The following GRIN2B variants were observed in gnomAD, a reference collection of about 807,000 sequenced individuals.
The protein encoded by GRIN2B is glutamate ionotropic receptor NMDA type subunit 2B.
A neutral mutation model predicts 114.5 loss-of-function variants in GRIN2B; 5 were observed. The ratio of observed to expected loss-of-function variants is 0.04; its 90% CI spans 0.02 to 0.09. The LOEUF (loss-of-function observed/expected upper bound fraction) is 0.09. Ranked by LOEUF, GRIN2B falls within the 10% of genes least tolerant of loss-of-function variation. The probability of loss-of-function intolerance (pLI) is 1.00; values close to 1 mark genes in which losing one functional copy is unlikely to be tolerated. For synonymous variants in GRIN2B, 787 were observed against 745.1 expected, an observed-to-expected ratio of 1.06 and a Z score of -0.92; for missense variants, 1,108 against 1,943.5, an observed-to-expected ratio of 0.57 and a Z score of 8.08.
At chr12:13,605,063 C>G (rs1039734205) in intron 10 of GRIN2B, among the ~76,000 whole-genome samples, 1 of 129,084 alleles carries the variant, frequency 7.7e-6, no homozygotes, top group Non-Finnish European at 1.8e-5. Flanking sequence ...CCTCTCTCCC[C>G]ACAGACTCTT....
At chr12:13,621,613 GTTTTT>G (rs869106790) in intron 5 of GRIN2B, among the ~76,000 whole-genome samples, 60 of 72,392 alleles carry the variant, frequency 8.3e-4, no homozygotes, top group African/African-American at 3.2e-3. Flanking sequence ...CCTAGTTTTT[GTTTTT>G]TTTTTTTTTT....
At position 13,775,509 on chromosome 12, in the gene GRIN2B, G is replaced by A. The variant is rs76107866; in HGVS notation, c.412-21594C>T. On this transcript the variant is annotated intron_variant, in intron 3 of 13. Transcript: ENST00000609686. ...GTAAGTGCTTAGGAAATAGTACTGG[G>A]AGGCAGGTATTTGTTTGCAGTTCTC... Among the ~76,000 whole-genome samples the A allele has an allele frequency of 4.3e-3, 656 of 152,316 alleles. 5 individuals are homozygous for A. The highest frequency in any genetic ancestry group is 0.015 in the African/African-American group (633 of 41,570).
intron 3 of GRIN2B, among the ~76,000 whole-genome samples, chr12:13,820,095 A>G (rs1013157640): frequency 4.6e-5 from 7 of 152,198 alleles, no homozygotes; most frequent in Admixed American, 3.3e-4. Context: ...ATTTTCCAAA[A>G]GATTGTACCA....
chr12:13,724,961 A>G (rs1052447323), intron 4 of GRIN2B, among the ~76,000 whole-genome samples: 2 of 152,146 alleles, frequency 1.3e-5, no homozygotes, highest in African/African-American at 4.8e-5. Context: ...CCCAGCAGAT[A>G]ATTTGCTCCT....
At chr12:13,936,837 C>A (rs1755656059) in intron 2 of GRIN2B, among the ~76,000 whole-genome samples, 1 of 147,750 alleles carries the variant, frequency 6.8e-6, no homozygotes, top group African/African-American at 2.5e-5. Flanking sequence ...AGTGGAAAAG[C>A]AGAAAATTAC....
chr12:13,658,610 C>A (rs1949890905), intron 5 of GRIN2B, among the ~76,000 whole-genome samples: 1 of 152,124 alleles, frequency 6.6e-6, no homozygotes. Context: ...GAGCACAGAT[C>A]CATCACTGAA....
At chr12:13,734,721 A>G (rs987777351) in intron 4 of GRIN2B, among the ~76,000 whole-genome samples, 3 of 152,188 alleles carry the variant, frequency 2.0e-5, no homozygotes, top group Non-Finnish European at 4.4e-5. Flanking sequence ...GTGCTATGCC[A>G]TAGGTATGAA....
chr12:13,869,326 T>A (rs1198678586), intron 2 of GRIN2B, among the ~76,000 whole-genome samples: 1 of 144,834 alleles, frequency 6.9e-6, no homozygotes, highest in Non-Finnish European at 1.5e-5. Flanking sequence ...GATACAGACA[T>A]AGACCCATAA....
At chr12:13,695,424 C>T (rs1950251681) in intron 4 of GRIN2B, among the ~76,000 whole-genome samples, 1 of 152,136 alleles carries the variant, frequency 6.6e-6, no homozygotes, top group African/African-American at 2.4e-5. Context: ...ACATAAGAAG[C>T]TGGTGGGGAG....
In GRIN2B at chr12:13,886,407, G is replaced by C. The variant is rs1866158380; in HGVS notation, c.-18-20181C>G. 2.0e-5 allele frequency among the ~76,000 whole-genome samples: 3 copies of C among 152,110 alleles called. No homozygotes were observed. In the South Asian group the frequency reaches 6.2e-4, roughly 32 times the overall value. On this transcript the variant is annotated intron_variant, in intron 2 of 13. Coordinates refer to ENST00000609686, the MANE Select transcript of GRIN2B (RefSeq NM_000834.5). ...GTGCTTGACCAAGCTCAACCAATTAGGAAAATTGGAACATAAATGCCTAGA... is the reference window on the plus strand; with the variant it reads ...GTGCTTGACCAAGCTCAACCAATTACGAAAATTGGAACATAAATGCCTAGA...
chr12:13,739,493 A>G (rs1278349752), intron 4 of GRIN2B, among the ~76,000 whole-genome samples: 1 of 151,564 alleles, frequency 6.6e-6, no homozygotes. Flanking sequence ...CCTCTACCAC[A>G]TAGCTTCCCT....
intron 4 of GRIN2B, among the ~76,000 whole-genome samples, chr12:13,740,492 C>CT (rs59103603): frequency 0.16 from 22,336 of 141,076 alleles, 1,966 homozygotes; most frequent in African/African-American, 0.26. Context: ...ATAGCATTTT[C>CT]TTTTTTTTTT....
intron 3 of GRIN2B, among the ~76,000 whole-genome samples, chr12:13,791,246 G>A (rs1864314367): frequency 6.6e-6 from 1 of 151,992 alleles, no homozygotes; most frequent in Non-Finnish European, 1.5e-5. Flanking sequence ...GGCGGATCAT[G>A]AGGTCAGGAG....
intron 2 of GRIN2B, among the ~76,000 whole-genome samples, chr12:13,930,548 A>G (rs1296902402): frequency 2.6e-5 from 4 of 152,266 alleles, no homozygotes; most frequent in African/African-American, 9.6e-5. Context: ...GGGCCTTCCC[A>G]CCATTAATCT....
chr12:13,786,802 C>T (rs1864230479), intron 3 of GRIN2B, among the ~76,000 whole-genome samples: 1 of 152,218 alleles, frequency 6.6e-6, no homozygotes. Context: ...TGTTTTGCCG[C>T]TGTGCCTGTT....
chr12:13,918,236 A>G (rs1373770585), intron 2 of GRIN2B, among the ~76,000 whole-genome samples: 1 of 152,212 alleles, frequency 6.6e-6, no homozygotes, highest in Non-Finnish European at 1.5e-5. Context: ...GCAAAGATTA[A>G]CATAATGATG....
intron 3 of GRIN2B, among the ~76,000 whole-genome samples, chr12:13,783,945 C>A (rs531218684): frequency 5.5e-4 from 83 of 152,118 alleles, no homozygotes; most frequent in African/African-American, 1.8e-3. Flanking sequence ...ATATCCCGGC[C>A]GGGCGCGGTG....
chr12:13,554,180 A>G lies in GRIN2B; in HGVS notation c.*8603T>C, dbSNP rs1370615138. 1.3e-5 allele frequency: 2 copies of G among 152,208 alleles called. No homozygotes were observed. Among genetic ancestry groups the G allele is most frequent in the Non-Finnish European group, 2.9e-5 (2 of 68,030 alleles). The allele number at this position is 152,208 out of a possible 1,614,324, so 9.4% of individuals were successfully genotyped here. A position where few individuals can be genotyped will look rare whatever the true frequency, so the allele number is the denominator to read the frequency against. On this transcript the variant is annotated 3_prime_UTR_variant, in exon 14 of 14. Coordinates refer to ENST00000609686, the MANE Select transcript of GRIN2B (RefSeq NM_000834.5). ...AGTGCTACAGGAGATAAAAAGATTTAAAAATACATGGCCCTGAACACAGGG... is the reference window on the plus strand; with the variant it reads ...AGTGCTACAGGAGATAAAAAGATTTGAAAATACATGGCCCTGAACACAGGG...
At chr12:13,943,121 C>G (rs1450408440) in intron 2 of GRIN2B, among the ~76,000 whole-genome samples, 1 of 152,056 alleles carries the variant, frequency 6.6e-6, no homozygotes, top group African/African-American at 2.4e-5. Context: ...AGAGCACACC[C>G]CCAGGCACTT....
Sources: allele counts gnomAD v4.1 joint callset (sites outside exome capture counted in the v4.1 genomes callset), GRCh38; gene constraint gnomAD v4.1.1; transcripts MANE v1.5; gene names NCBI Gene and HGNC (gene_info 2026-07-23, HGNC 2026-07-21).